The following GALNT13 variants were observed in gnomAD, a reference collection of about 807,000 sequenced individuals.
GALNT13 encodes the protein UDP-GalNAc:polypeptide N-acetylgalactosaminyltransferase 13.
A neutral mutation model predicts 64.2 loss-of-function variants in GALNT13; 28 were observed. That is an observed-to-expected ratio of 0.44 (90% CI 0.32 to 0.60). The LOEUF is 0.60. Among genes scored for constraint, GALNT13 ranks in the 20% least tolerant of loss-of-function variants. The pLI is 0.05. For synonymous variants in GALNT13, 214 were observed against 224.6 expected, an observed-to-expected ratio of 0.95 and a Z score of 0.42; for missense variants, 577 against 669.8, an observed-to-expected ratio of 0.86 and a Z score of 1.53.
At chr2:153,565,433 A>G in the GALNT13 span, among the ~76,000 whole-genome samples, 1 of 152,068 alleles carries the variant, frequency 6.6e-6, no homozygotes, top group African/African-American at 2.4e-5. Flanking sequence ...TTTGCTTCCA[A>G]ATTATCTTTT....
chr2:154,183,875 G>T (rs189229708), intron 4 of GALNT13, among the ~76,000 whole-genome samples: 2 of 151,654 alleles, frequency 1.3e-5, no homozygotes, highest in East Asian at 1.9e-4. Flanking sequence ...CTAATTTGGG[G>T]ATTAGTATTC....
intron 2 of GALNT13, among the ~76,000 whole-genome samples, chr2:153,907,758 A>G (rs1364404662): frequency 6.6e-6 from 1 of 152,028 alleles, no homozygotes; most frequent in Non-Finnish European, 1.5e-5. Flanking sequence ...GTGTGGCTGT[A>G]TAGTTTTCCA....
At chr2:153,885,380 ATGTG>A (rs963305016) in intron 1 of GALNT13, among the ~76,000 whole-genome samples, 2 of 151,998 alleles carry the variant, frequency 1.3e-5, no homozygotes, top group African/African-American at 4.8e-5. Flanking sequence ...AGTTTTATGA[ATGTG>A]TGTAACCAGA....
intron 3 of GALNT13, among the ~76,000 whole-genome samples, chr2:153,951,964 A>G (rs1468387673): frequency 6.6e-6 from 1 of 152,126 alleles, no homozygotes. Flanking sequence ...CCAATATTAG[A>G]TACAGACCCA....
intron 4 of GALNT13, among the ~76,000 whole-genome samples, chr2:154,188,765 A>G (rs1342972257): frequency 1.3e-5 from 2 of 152,114 alleles, no homozygotes; most frequent in African/African-American, 4.8e-5. Context: ...GGGGAAATGT[A>G]TAGGCTATTT....
intron 9 of GALNT13, among the ~76,000 whole-genome samples, chr2:154,342,553 GTATAT>G (rs145767882): frequency 0.15 from 22,859 of 151,682 alleles, 2,127 homozygotes; most frequent in Non-Finnish European, 0.19. Context: ...ATCAAATTAA[GTATAT>G]TATATCAAAA....
chr2:154,141,941 T>C (rs1683281292), intron 4 of GALNT13, among the ~76,000 whole-genome samples: 2 of 152,190 alleles, frequency 1.3e-5, no homozygotes, highest in South Asian at 4.1e-4. Flanking sequence ...ACAGATGTAA[T>C]AAAATGAAAG....
chr2:154,137,577 A>C (rs1558979547), intron 3 of GALNT13, among the ~76,000 whole-genome samples: 1 of 152,156 alleles, frequency 6.6e-6, no homozygotes, highest in Non-Finnish European at 1.5e-5. Context: ...TACCACTGAC[A>C]AAACTATAAC....
chr2:153,858,574 T>G, the GALNT13 span, among the ~76,000 whole-genome samples: 1 of 152,156 alleles, frequency 6.6e-6, no homozygotes, highest in East Asian at 1.9e-4. Context: ...GAGATCATAT[T>G]TATATAACTT....
the GALNT13 span, among the ~76,000 whole-genome samples, chr2:153,249,884 G>T: frequency 1.3e-5 from 2 of 152,194 alleles, no homozygotes; most frequent in African/African-American, 4.8e-5. Context: ...ATTCATGTTG[G>T]ATTAAAGACT....
chr2:153,580,704 CCT>C, the GALNT13 span, among the ~76,000 whole-genome samples: 1 of 152,084 alleles, frequency 6.6e-6, no homozygotes, highest in Non-Finnish European at 1.5e-5. Flanking sequence ...ATGCTACTTG[CCT>C]CCATCATATA....
intron 11 of GALNT13, among the ~76,000 whole-genome samples, chr2:154,435,187 T>C (rs183171898): frequency 7.2e-5 from 11 of 152,322 alleles, no homozygotes; most frequent in African/African-American, 2.4e-4. Flanking sequence ...ATAAAGCAAT[T>C]TGAGAGATAA....
At chr2:153,251,032 T>G in the GALNT13 span, among the ~76,000 whole-genome samples, 7 of 152,058 alleles carry the variant, frequency 4.6e-5, no homozygotes, top group Non-Finnish European at 1.0e-4. Flanking sequence ...ATCCCAACAC[T>G]TAAAGTAAAA....
chr2:154,416,949 T>C (rs1037897143), intron 11 of GALNT13, among the ~76,000 whole-genome samples: 1 of 152,192 alleles, frequency 6.6e-6, no homozygotes, highest in Non-Finnish European at 1.5e-5. Flanking sequence ...ATAATTACCT[T>C]TTGTCCCAAG....
intron 4 of GALNT13, among the ~76,000 whole-genome samples, chr2:154,152,890 G>A (rs1028831278): frequency 6.6e-6 from 1 of 152,066 alleles, no homozygotes; most frequent in East Asian, 1.9e-4. Context: ...CCTCCTGTAG[G>A]TTGGAGTAGT....
the GALNT13 span, among the ~76,000 whole-genome samples, chr2:153,662,666 G>A: frequency 6.6e-6 from 1 of 152,092 alleles, no homozygotes; most frequent in Non-Finnish European, 1.5e-5. Flanking sequence ...ACTTTGTCCA[G>A]TTTCTATAAT....
the GALNT13 span, among the ~76,000 whole-genome samples, chr2:153,461,529 C>T: frequency 1.3e-5 from 2 of 151,918 alleles, no homozygotes; most frequent in Non-Finnish European, 2.9e-5. Context: ...GGCCCCTCTC[C>T]GGATAAGAAA....
intron 9 of GALNT13, among the ~76,000 whole-genome samples, chr2:154,386,573 A>C (rs1461634997): frequency 6.6e-6 from 1 of 152,048 alleles, no homozygotes; most frequent in Non-Finnish European, 1.5e-5. Context: ...GGACAATTGG[A>C]CCAGTTTCAA....
At chr2:153,954,946 C>T (rs891137870) in intron 3 of GALNT13, among the ~76,000 whole-genome samples, 6 of 151,246 alleles carry the variant, frequency 4.0e-5, no homozygotes, top group African/African-American at 9.7e-5. Flanking sequence ...TATACAAACA[C>T]GAGTATTTCT....
Sources: gnomAD v4.1 joint callset for allele counts (sites outside exome capture counted in the v4.1 genomes callset) on GRCh38, gnomAD v4.1.1 for gene constraint, MANE v1.5 for transcripts, NCBI Gene and HGNC (gene_info 2026-07-23, HGNC 2026-07-21) for gene names.